NPLOC4: variants seen among roughly 807,000 people sequenced by gnomAD.
NPLOC4 encodes the protein NPL4 homolog, ubiquitin recognition factor.
A neutral mutation model predicts 80.6 loss-of-function variants in NPLOC4; 18 were observed. The ratio of observed to expected loss-of-function variants is 0.22; its 90% CI spans 0.15 to 0.33. NPLOC4 has a LOEUF of 0.33. NPLOC4 is among the 10% of genes least tolerant of loss of function. The pLI is 1.00. For synonymous variants in NPLOC4, 313 were observed against 301.5 expected (o/e 1.04, Z -0.39); for missense variants, 540 against 786.1 (o/e 0.69, Z 3.74).
chr17:81,615,092 GTC>G (rs1239021375), intron 3 of NPLOC4, among the ~76,000 whole-genome samples: 6 of 95,770 alleles, frequency 6.3e-5, no homozygotes, highest in Middle Eastern at 4.9e-3. Flanking sequence ...CATCAGAGAC[GTC>G]TGTTTCTTTT....
chr17:81,619,216 A>AAC (rs2035594394), intron 3 of NPLOC4, among the ~76,000 whole-genome samples: 1 of 151,876 alleles, frequency 6.6e-6, no homozygotes, highest in South Asian at 2.1e-4. Context: ...AAAAAAAAAA[A>AAC]AACACAAAAA....
chr17:81,615,183 T>C (rs1598670623), intron 3 of NPLOC4, among the ~76,000 whole-genome samples: 1 of 149,124 alleles, frequency 6.7e-6, no homozygotes, highest in South Asian at 2.2e-4. Context: ...CACTGGAACC[T>C]GCATCTCACG....
At chr17:81,617,449 A>G (rs1347631927) in intron 3 of NPLOC4, among the ~76,000 whole-genome samples, 1 of 152,050 alleles carries the variant, frequency 6.6e-6, no homozygotes, top group East Asian at 1.9e-4. Flanking sequence ...TGAGGCCAGC[A>G]GATCACCTGA....
intron 12 of NPLOC4, 24 bp downstream of exon 12, chr17:81,588,920 T>C: frequency 6.2e-7 from 1 of 1,603,672 alleles, no homozygotes. Flanking sequence ...ATGTACAGAG[T>C]TCTTTTTCTT....
rs143813960 is a variant in NPLOC4, at chr17:81,579,547, G to A, written c.1282-7459C>T. 8.2e-3 allele frequency among the ~76,000 whole-genome samples: 1,249 copies of A among 152,112 alleles called. 12 individuals carry two copies. Among genetic ancestry groups the A allele is most frequent in the South Asian group, 0.036 (172 of 4,820 alleles). Reference sequence around the variant, plus strand: ...TTCAGCTGACCCTGTGGCTTCCTGTGAGCAAGCTGATCCCCAAACCTGCAT... The same window carrying A: ...TTCAGCTGACCCTGTGGCTTCCTGTAAGCAAGCTGATCCCCAAACCTGCAT... On this transcript the variant is annotated intron_variant, in intron 12 of 16. Transcript: ENST00000331134.
At chr17:81,633,136 AAAAAAAAAG>A (rs1451414995) in intron 1 of NPLOC4, among the ~76,000 whole-genome samples, 2 of 151,712 alleles carry the variant, frequency 1.3e-5, no homozygotes, top group Admixed American at 1.3e-4. Context: ...TCAAAAAAAA[AAAAAAAAAG>A]AAAAGAAATA....
rs1031698969 is a variant in NPLOC4, at chr17:81,623,211, C to A, written c.97-933G>T. On this transcript the variant is annotated intron_variant, in intron 2 of 16. Coordinates refer to ENST00000331134, the MANE Select transcript of NPLOC4 (RefSeq NM_017921.4). ...CTCTGGCCGGGTGTGGAGGCTCACA[C>A]CTGTAATCTCAGCACTATGGGAGGC... is the stretch of plus-strand genomic sequence containing the variant. Among the ~76,000 whole-genome samples, 14 of 151,710 alleles carry A rather than the reference C, an allele frequency of 9.2e-5. 1 individual carries two copies. Among genetic ancestry groups the A allele is most frequent in the Non-Finnish European group, 4.4e-5 (3 of 67,960 alleles).
intron 8 of NPLOC4, among the ~76,000 whole-genome samples, chr17:81,601,383 T>G (rs1216560750): frequency 6.6e-6 from 1 of 152,154 alleles, no homozygotes; most frequent in African/African-American, 2.4e-5. Flanking sequence ...GAAAAGGAGT[T>G]GTTTAATGAC....
chr17:81,559,727 CTTT>C (rs11335414), intron 16 of NPLOC4, among the ~76,000 whole-genome samples: 1,698 of 95,668 alleles, frequency 0.018, 24 homozygotes, highest in African/African-American at 0.063. Context: ...TTGTTTCCAG[CTTT>C]TTTTTTTTTT....
chr17:81,577,367 GCA>G lies in NPLOC4; in HGVS notation c.1282-5281_1282-5280del, dbSNP rs2034329631. Among the ~76,000 whole-genome samples the G allele has an allele frequency of 6.7e-6, 1 of 148,984 alleles. No individual in the cohort carries two copies. The highest frequency in any genetic ancestry group is 2.0e-4 in the East Asian group (1 of 5,106). ...GACCCTTCTCCTTGACCTCTTTAGA[GCA>G]GCCATCCTTGGAGTTGCTCAACGCC... On this transcript the variant is annotated intron_variant, in intron 12 of 16. Transcript: ENST00000331134. The surrounding 1 kb of genome is among the most constrained non-coding windows in gnomAD (Gnocchi z 4.3).
chr17:81,575,381 G>A (rs930588706), intron 12 of NPLOC4, among the ~76,000 whole-genome samples: 1 of 152,340 alleles, frequency 6.6e-6, no homozygotes, highest in East Asian at 1.9e-4. Flanking sequence ...GACTACAGGC[G>A]TGAGCCACAG....
At chr17:81,591,949 G>T (rs2034758024) in intron 11 of NPLOC4, among the ~76,000 whole-genome samples, 3 of 152,192 alleles carry the variant, frequency 2.0e-5, no homozygotes, top group Non-Finnish European at 4.4e-5. Flanking sequence ...AGCCCAGTGT[G>T]TGGGGTAAGT....
intron 1 of NPLOC4, among the ~76,000 whole-genome samples, chr17:81,634,421 G>A (rs1458014750): frequency 6.6e-6 from 1 of 150,536 alleles, no homozygotes; most frequent in Non-Finnish European, 1.5e-5. Flanking sequence ...TGCTGTCAAT[G>A]AGAGCCTAGC....
At chr17:81,565,376 C>T in intron 16 of NPLOC4, 129 bp downstream of exon 16, 1 of 828,932 alleles carries the variant, frequency 1.2e-6, no homozygotes, top group Non-Finnish European at 2.0e-6. Context: ...CGTTGCATTG[C>T]CGATGGCACC....
chr17:81,636,945 C>A lies in NPLOC4; in HGVS notation c.-15G>T. On this transcript the variant is annotated 5_prime_UTR_variant, in exon 1 of 17. Transcript: ENST00000331134. ...CTCTCGGCCATGGCGGCTGCTCCTG[C>A]CTCCGGGCTCGAGCCCCGGGCCGCC... 7.5e-7 allele frequency: 1 copy of A among 1,337,326 alleles called. No individual in the cohort carries two copies. The highest frequency in any genetic ancestry group is 9.6e-7 in the Non-Finnish European group (1 of 1,039,642). 82.8% of individuals were successfully genotyped at this position (1,337,326 alleles called of 1,614,324 possible).
chr17:81,591,617 A>T (rs1273919864), intron 11 of NPLOC4, among the ~76,000 whole-genome samples: 1 of 152,202 alleles, frequency 6.6e-6, no homozygotes, highest in African/African-American at 2.4e-5. Flanking sequence ...CCATATGGAT[A>T]ATCTTCAAGG....
intron 3 of NPLOC4, 149 bp from the exon 4 acceptor site, chr17:81,613,643 C>CT: frequency 1.5e-6 from 1 of 666,292 alleles, no homozygotes; most frequent in Non-Finnish European, 2.5e-6. Context: ...GAATTCTCTT[C>CT]TAACATCTCC....
chr17:81,596,406 G>A (rs944242100), intron 10 of NPLOC4, among the ~76,000 whole-genome samples, 164 bp from the exon 11 acceptor site: 33 of 152,080 alleles, frequency 2.2e-4, no homozygotes, highest in Admixed American at 1.7e-3. Flanking sequence ...ACAAGAGTTC[G>A]AGACCAGCCT....
At chr17:81,605,824 C>CTTTT (rs766106515) in intron 7 of NPLOC4, among the ~76,000 whole-genome samples, 1 of 141,068 alleles carries the variant, frequency 7.1e-6, no homozygotes, top group African/African-American at 2.6e-5. Flanking sequence ...AACACATTTT[C>CTTTT]TTTTTTTTTT....
Sources: gnomAD v4.1 joint callset for allele counts (sites outside exome capture counted in the v4.1 genomes callset) on GRCh38, gnomAD v4.1.1 for gene constraint, Gnocchi (gnomAD v3.1) non-coding constraint, MANE v1.5 for transcripts, NCBI Gene and HGNC (gene_info 2026-07-23, HGNC 2026-07-21) for gene names.